SUGCT: variants seen among roughly 807,000 people sequenced by gnomAD.
SUGCT encodes the protein succinyl-CoA:glutarate-CoA transferase, also known as succinyl-CoA:glutarate CoA-transferase.
A neutral mutation model predicts 55.0 loss-of-function variants in SUGCT; 41 were observed. The ratio of observed to expected loss-of-function variants is 0.74; its 90% CI spans 0.58 to 0.97. The LOEUF is 0.97. SUGCT is among the 50% of genes least tolerant of loss of function. SUGCT has a pLI of 0.00. For missense variants in SUGCT, 568 were observed against 547.8 expected, an observed-to-expected ratio of 1.04 and a Z score of -0.37; for synonymous variants, 187 against 200.4, an observed-to-expected ratio of 0.93 and a Z score of 0.56.
chr7:40,444,499 T>C (rs1332866624), intron 9 of SUGCT, among the ~76,000 whole-genome samples: 2 of 152,214 alleles, frequency 1.3e-5, no homozygotes, highest in Non-Finnish European at 1.5e-5. Flanking sequence ...TGAATGGGTG[T>C]TCACTCGTGA....
intron 9 of SUGCT, among the ~76,000 whole-genome samples, chr7:40,321,170 G>A (rs939979015): frequency 1.1e-4 from 16 of 144,558 alleles, no homozygotes; most frequent in Non-Finnish European, 1.6e-4. Flanking sequence ...CTGCCTCCTC[G>A]GTTCAAGTGA....
the SUGCT span, among the ~76,000 whole-genome samples, chr7:41,037,850 C>T: frequency 6.6e-6 from 1 of 151,988 alleles, no homozygotes; most frequent in Admixed American, 6.6e-5. Context: ...CCTGAAGCTC[C>T]TAGTTCTTGG....
chr7:40,418,318 A>G (rs1035242115), intron 9 of SUGCT, among the ~76,000 whole-genome samples: 5 of 152,086 alleles, frequency 3.3e-5, no homozygotes, highest in Admixed American at 6.6e-5. Context: ...GAATGGGTCT[A>G]CCTGCCCTCT....
At chr7:40,733,158 T>C (rs1296292891) in intron 12 of SUGCT, among the ~76,000 whole-genome samples, 2 of 152,250 alleles carry the variant, frequency 1.3e-5, no homozygotes, top group African/African-American at 2.4e-5. Context: ...GACTCCTGAC[T>C]GGACTCATGT....
intron 13 of SUGCT, among the ~76,000 whole-genome samples, chr7:40,828,669 A>G (rs1792488940): frequency 6.6e-6 from 1 of 152,182 alleles, no homozygotes; most frequent in Admixed American, 6.5e-5. Flanking sequence ...AATTTGAAAA[A>G]CATACAAAAT....
At chr7:40,696,425 A>G (rs1784937365) in intron 12 of SUGCT, among the ~76,000 whole-genome samples, 1 of 152,184 alleles carries the variant, frequency 6.6e-6, no homozygotes, top group African/African-American at 2.4e-5. Flanking sequence ...TGGGGTGAGT[A>G]GACTATGCCA....
At chr7:40,670,596 C>A (rs1341240204) in intron 12 of SUGCT, among the ~76,000 whole-genome samples, 1 of 152,082 alleles carries the variant, frequency 6.6e-6, no homozygotes, top group Non-Finnish European at 1.5e-5. Flanking sequence ...CTCAAGCCGT[C>A]CTCAAACTCC....
At chr7:40,685,222 T>G (rs1784415723) in intron 12 of SUGCT, among the ~76,000 whole-genome samples, 1 of 152,166 alleles carries the variant, frequency 6.6e-6, no homozygotes, top group Non-Finnish European at 1.5e-5. Context: ...TTTTCTGTGT[T>G]TGTTCTAGTA....
chr7:40,752,178 A>C (rs1392640986), intron 13 of SUGCT, among the ~76,000 whole-genome samples: 1 of 152,036 alleles, frequency 6.6e-6, no homozygotes, highest in East Asian at 1.9e-4. Context: ...AGGTCTGGCC[A>C]GGTTTAGCTC....
chr7:40,999,427 A>G, the SUGCT span, among the ~76,000 whole-genome samples: 1 of 152,148 alleles, frequency 6.6e-6, no homozygotes, highest in Non-Finnish European at 1.5e-5. Context: ...AATAACATCC[A>G]CCTTGAGAAA....
chr7:40,330,976 AT>A (rs2151146414), intron 9 of SUGCT, among the ~76,000 whole-genome samples: 1 of 152,238 alleles, frequency 6.6e-6, no homozygotes, highest in African/African-American at 2.4e-5. Flanking sequence ...AATTTAGATA[AT>A]TTTTTGACTT....
At chr7:40,339,164 G>A (rs1309428318) in intron 9 of SUGCT, among the ~76,000 whole-genome samples, 43 of 152,136 alleles carry the variant, frequency 2.8e-4, no homozygotes, top group Non-Finnish European at 2.9e-5. Context: ...CCTACTGGGG[G>A]GTACCTCCCA....
intron 3 of SUGCT, among the ~76,000 whole-genome samples, chr7:40,184,002 C>G (rs147254577): frequency 6.6e-6 from 1 of 152,082 alleles, no homozygotes. Flanking sequence ...GGTGAAACCC[C>G]CTTCTCTACT....
intron 9 of SUGCT, among the ~76,000 whole-genome samples, chr7:40,330,434 T>G (rs1048772303): frequency 6.6e-5 from 10 of 152,096 alleles, no homozygotes; most frequent in African/African-American, 2.4e-4. Flanking sequence ...GGTCTGCATA[T>G]TAGGAAAGAA....
At chr7:40,781,327 A>T (rs1789734447) in intron 13 of SUGCT, among the ~76,000 whole-genome samples, 1 of 152,172 alleles carries the variant, frequency 6.6e-6, no homozygotes, top group Non-Finnish European at 1.5e-5. Flanking sequence ...CCTGAATAAA[A>T]TGATAGCGAT....
intron 9 of SUGCT, among the ~76,000 whole-genome samples, chr7:40,430,094 A>T (rs139430412): frequency 2.5e-4 from 38 of 152,234 alleles, no homozygotes; most frequent in Middle Eastern, 3.4e-3. Context: ...TTATTTCCAT[A>T]TTTGGCTATT....
the SUGCT span, among the ~76,000 whole-genome samples, chr7:40,901,679 A>G: frequency 6.6e-6 from 1 of 152,234 alleles, no homozygotes; most frequent in African/African-American, 2.4e-5. Context: ...AAAGGATGCC[A>G]GGCAACAAAT....
chr7:40,929,373 G>A, the SUGCT span, among the ~76,000 whole-genome samples: 10 of 152,088 alleles, frequency 6.6e-5, no homozygotes, highest in East Asian at 1.9e-4. Flanking sequence ...GAATAATGCC[G>A]CAATAAACAC....
At chr7:40,899,196 C>G in the SUGCT span, among the ~76,000 whole-genome samples, 1 of 152,180 alleles carries the variant, frequency 6.6e-6, no homozygotes, top group African/African-American at 2.4e-5. Context: ...CTTGACCTTT[C>G]TGAGAACAGA....
Sources: gnomAD v4.1 joint callset for allele counts (sites outside exome capture counted in the v4.1 genomes callset) on GRCh38, gnomAD v4.1.1 for gene constraint, MANE v1.5 for transcripts, NCBI Gene and HGNC (gene_info 2026-07-23, HGNC 2026-07-21) for gene names.